The following NRXN3 variants were observed in gnomAD, a reference collection of about 807,000 sequenced individuals.
NRXN3 encodes neurexin 3.
Under a neutral mutation model 137.6 loss-of-function variants are expected in NRXN3, and 32 were observed. The ratio of observed to expected loss-of-function variants is 0.23; its 90% CI spans 0.18 to 0.31. NRXN3 has a LOEUF of 0.31. Ranked by LOEUF, NRXN3 falls within the 10% of genes least tolerant of loss-of-function variation. The pLI, the probability that NRXN3 is intolerant of heterozygous loss-of-function variation, is 1.00. For synonymous variants in NRXN3, 798 were observed against 784.5 expected (o/e 1.02, Z -0.29); for missense variants, 1,574 against 2,062.5 (o/e 0.76, Z 4.59).
At chr14:78,228,277 C>T (rs1015746123) in intron 1 of NRXN3, among the ~76,000 whole-genome samples, 1 of 151,778 alleles carries the variant, frequency 6.6e-6, no homozygotes, top group African/African-American at 2.4e-5. Flanking sequence ...CTGTCTCAGC[C>T]TCCTATGTAG....
chr14:79,627,952 A>G (rs1460132199), intron 16 of NRXN3, among the ~76,000 whole-genome samples: 2 of 152,188 alleles, frequency 1.3e-5, no homozygotes, highest in Non-Finnish European at 2.9e-5. Context: ...TGTAGACTTT[A>G]AAAAACCTAA....
chr14:78,854,358 C>T (rs1199817791), intron 10 of NRXN3, among the ~76,000 whole-genome samples: 1 of 152,104 alleles, frequency 6.6e-6, no homozygotes. Context: ...CAAGTGACTT[C>T]AGCTCCCTCT....
At chr14:79,422,945 G>C (rs563154635) in intron 15 of NRXN3, among the ~76,000 whole-genome samples, 1 of 151,888 alleles carries the variant, frequency 6.6e-6, no homozygotes, top group Non-Finnish European at 1.5e-5. Context: ...TGATCCACCC[G>C]CCTTGGCCTC....
At chr14:78,250,135 A>G in intron 2 of NRXN3, 1 of 513,806 alleles carries the variant, frequency 1.9e-6, no homozygotes, top group South Asian at 1.4e-5. Context: ...AACTTGCCCA[A>G]GATTGTGCAG....
chr14:79,232,037 T>C (rs894147570), intron 15 of NRXN3, among the ~76,000 whole-genome samples: 1 of 152,118 alleles, frequency 6.6e-6, no homozygotes, highest in Admixed American at 6.6e-5. Flanking sequence ...GGGGAAGTAA[T>C]TGGAAAGGGA....
chr14:79,757,347 G>C (rs1189630098), intron 19 of NRXN3, among the ~76,000 whole-genome samples: 1 of 152,112 alleles, frequency 6.6e-6, no homozygotes, highest in Non-Finnish European at 1.5e-5. Flanking sequence ...GACCACCTTG[G>C]TACTGTTATC....
intron 15 of NRXN3, among the ~76,000 whole-genome samples, chr14:79,119,068 A>G (rs769284096): frequency 1.3e-5 from 2 of 152,218 alleles, no homozygotes; most frequent in Non-Finnish European, 2.9e-5. Context: ...TTGTTTTTAA[A>G]ACTTTATAAA....
At chr14:79,703,917 C>T (rs902729807) in intron 19 of NRXN3, among the ~76,000 whole-genome samples, 1 of 152,126 alleles carries the variant, frequency 6.6e-6, no homozygotes, top group Non-Finnish European at 1.5e-5. Flanking sequence ...AAGGGACTCT[C>T]CCAGAACTCA....
intron 15 of NRXN3, among the ~76,000 whole-genome samples, chr14:79,060,183 A>G (rs2099672425): frequency 1.3e-5 from 2 of 152,182 alleles, no homozygotes; most frequent in Admixed American, 6.5e-5. Flanking sequence ...GTCCCATTCA[A>G]TGTTCTGTTG....
chr14:78,531,541 A>G (rs2096461556), intron 4 of NRXN3, among the ~76,000 whole-genome samples: 1 of 152,218 alleles, frequency 6.6e-6, no homozygotes, highest in Admixed American at 6.5e-5. Context: ...GTTTTTTACA[A>G]AAGGGCTCAT....
At chr14:79,804,824 A>G (rs10149110) in intron 19 of NRXN3, among the ~76,000 whole-genome samples, 15,946 of 152,144 alleles carry the variant, frequency 0.1, 1,146 homozygotes, top group African/African-American at 0.19. Context: ...AAGTAAGGCT[A>G]CAAAATGTCA....
At chr14:79,805,531 A>C (rs2099201020) in intron 20 of NRXN3, among the ~76,000 whole-genome samples, 1 of 152,136 alleles carries the variant, frequency 6.6e-6, no homozygotes, top group South Asian at 2.1e-4. Flanking sequence ...TGAAATTCAC[A>C]GAGGGTGGGA....
At chr14:78,626,599 T>C (rs753783184) in intron 4 of NRXN3, among the ~76,000 whole-genome samples, 5 of 152,232 alleles carry the variant, frequency 3.3e-5, no homozygotes, top group Non-Finnish European at 5.9e-5. Flanking sequence ...AAGTGGTCTA[T>C]GTCAATGTCA....
At chr14:78,209,031 T>A (rs181697539) in intron 1 of NRXN3, among the ~76,000 whole-genome samples, 1 of 152,292 alleles carries the variant, frequency 6.6e-6, no homozygotes. Flanking sequence ...ATCAGTGTCT[T>A]GGCCACACAG....
chr14:78,838,279 A>C (rs1205734801), intron 10 of NRXN3, among the ~76,000 whole-genome samples: 3 of 152,212 alleles, frequency 2.0e-5, no homozygotes, highest in African/African-American at 4.8e-5. Context: ...TAAATCTATG[A>C]TAAGATTAAT....
intron 16 of NRXN3, among the ~76,000 whole-genome samples, chr14:79,566,379 C>T (rs1463331036): frequency 6.6e-6 from 1 of 152,046 alleles, no homozygotes; most frequent in Non-Finnish European, 1.5e-5. Context: ...CCCTCCTCAC[C>T]TCTCTCCTTG....
intron 15 of NRXN3, among the ~76,000 whole-genome samples, chr14:79,419,757 G>A (rs1476243982): frequency 6.6e-6 from 1 of 152,170 alleles, no homozygotes; most frequent in Non-Finnish European, 1.5e-5. Context: ...GACAAAATGA[G>A]GATGGAAGCT....
chr14:78,528,382 C>T (rs1027034946), intron 4 of NRXN3, among the ~76,000 whole-genome samples: 9 of 152,166 alleles, frequency 5.9e-5, no homozygotes, highest in Non-Finnish European at 1.3e-4. Context: ...TACATCTCCA[C>T]ACTCCTGATT....
chr14:79,316,478 C>T (rs1235366291), intron 15 of NRXN3, among the ~76,000 whole-genome samples: 2 of 152,146 alleles, frequency 1.3e-5, no homozygotes. Context: ...TGGCATTGAC[C>T]TGTTAGTTGT....
Sources: gnomAD v4.1 joint callset for allele counts (sites outside exome capture counted in the v4.1 genomes callset) on GRCh38, gnomAD v4.1.1 for gene constraint, MANE v1.5 for transcripts, NCBI Gene and HGNC (gene_info 2026-07-23, HGNC 2026-07-21) for gene names.